The following AFG2A variants were observed in gnomAD, a reference collection of about 807,000 sequenced individuals.
AFG2A encodes the protein AAA ATPase AFG2A.
chr4:122,949,385 C>T, the AFG2A span, among the ~76,000 whole-genome samples: 3 of 152,106 alleles, frequency 2.0e-5, no homozygotes, highest in Admixed American at 6.5e-5. Flanking sequence ...GTGCTGTTGT[C>T]GCTGAAGGGG....
At chr4:122,978,131 C>G in the AFG2A span, among the ~76,000 whole-genome samples, 1 of 151,292 alleles carries the variant, frequency 6.6e-6, no homozygotes, top group Non-Finnish European at 1.5e-5. Flanking sequence ...CAGTTCTCAG[C>G]GGAGAGGAGA....
At chr4:123,066,288 T>C in the AFG2A span, among the ~76,000 whole-genome samples, 3 of 152,200 alleles carry the variant, frequency 2.0e-5, no homozygotes, top group African/African-American at 4.8e-5. Flanking sequence ...TGTTATGTAC[T>C]GTAAAGGAAA....
the AFG2A span, among the ~76,000 whole-genome samples, chr4:123,218,694 G>A: frequency 6.7e-6 from 1 of 149,644 alleles, no homozygotes; most frequent in African/African-American, 2.5e-5. Context: ...CATACATACA[G>A]TGGGCCTACC....
At chr4:123,210,231 A>T in the AFG2A span, among the ~76,000 whole-genome samples, 6 of 152,336 alleles carry the variant, frequency 3.9e-5, no homozygotes, top group Non-Finnish European at 8.8e-5. Context: ...GAGAACATTT[A>T]AAATCTACTG....
At chr4:123,148,457 A>T in the AFG2A span, among the ~76,000 whole-genome samples, 1 of 152,204 alleles carries the variant, frequency 6.6e-6, no homozygotes, top group African/African-American at 2.4e-5. Context: ...ATCAGAAAGC[A>T]AATATAGCAG....
At chr4:123,021,104 G>C in the AFG2A span, among the ~76,000 whole-genome samples, 1 of 151,968 alleles carries the variant, frequency 6.6e-6, no homozygotes, top group African/African-American at 2.4e-5. Context: ...GTAGAGAGTT[G>C]AGCTTTTTAC....
At chr4:122,935,269 T>G in the AFG2A span, among the ~76,000 whole-genome samples, 1 of 152,204 alleles carries the variant, frequency 6.6e-6, no homozygotes, top group Admixed American at 6.5e-5. Flanking sequence ...TGTATATATA[T>G]GTATGTGTAA....
At chr4:123,312,879 G>A in the AFG2A span, among the ~76,000 whole-genome samples, 1 of 152,188 alleles carries the variant, frequency 6.6e-6, no homozygotes. Flanking sequence ...GCAGCCATTA[G>A]CCCAGCATAA....
At chr4:123,122,773 GT>G in the AFG2A span, among the ~76,000 whole-genome samples, 1 of 140,080 alleles carries the variant, frequency 7.1e-6, no homozygotes, top group South Asian at 2.2e-4. Flanking sequence ...CATGTCATCT[GT>G]TTTTTTGTTT....
chr4:123,145,495 G>A, the AFG2A span, among the ~76,000 whole-genome samples: 1 of 152,048 alleles, frequency 6.6e-6, no homozygotes, highest in Admixed American at 6.6e-5. Flanking sequence ...CTGCTAATAT[G>A]TTAAGCACTT....
the AFG2A span, among the ~76,000 whole-genome samples, chr4:123,163,540 T>C: frequency 8.5e-5 from 13 of 152,230 alleles, no homozygotes; most frequent in Non-Finnish European, 1.3e-4. Flanking sequence ...TAGGATAGTC[T>C]GGTATGTAGT....
chr4:123,148,351 G>A, the AFG2A span, among the ~76,000 whole-genome samples: 5 of 152,144 alleles, frequency 3.3e-5, no homozygotes, highest in Admixed American at 1.3e-4. Context: ...AGAGAGAAAT[G>A]CTTTTAAAAT....
the AFG2A span, among the ~76,000 whole-genome samples, chr4:123,055,869 G>T: frequency 1.3e-5 from 2 of 152,200 alleles, no homozygotes; most frequent in East Asian, 1.9e-4. Context: ...TTCTTGTGGT[G>T]ACTGTTTATC....
the AFG2A span, among the ~76,000 whole-genome samples, chr4:123,107,281 T>C: frequency 6.6e-6 from 1 of 152,224 alleles, no homozygotes; most frequent in African/African-American, 2.4e-5. Flanking sequence ...TCCTGAGTTC[T>C]TGTCCCGTGT....
the AFG2A span, among the ~76,000 whole-genome samples, chr4:123,147,513 T>C: frequency 2.3e-4 from 35 of 152,302 alleles, no homozygotes; most frequent in African/African-American, 5.8e-4. Context: ...TAAAAAAGAT[T>C]TTCAGTTGTT....
At chr4:122,942,964 C>G in the AFG2A span, among the ~76,000 whole-genome samples, 1 of 151,838 alleles carries the variant, frequency 6.6e-6, no homozygotes, top group African/African-American at 2.4e-5. Flanking sequence ...TTTCTTAATC[C>G]TGAGTTGTAG....
chr4:123,178,849 A>G, the AFG2A span, among the ~76,000 whole-genome samples: 5 of 152,366 alleles, frequency 3.3e-5, no homozygotes, highest in South Asian at 4.1e-4. Flanking sequence ...CTGCAAGTGT[A>G]CAAATGGTAT....
chr4:123,089,715 G>T, the AFG2A span, among the ~76,000 whole-genome samples: 1 of 152,028 alleles, frequency 6.6e-6, no homozygotes, highest in African/African-American at 2.4e-5. Context: ...CTCCTGAGTA[G>T]CTGGGATTAC....
the AFG2A span, among the ~76,000 whole-genome samples, chr4:123,124,076 G>T: frequency 6.6e-6 from 1 of 151,970 alleles, no homozygotes; most frequent in African/African-American, 2.4e-5. Context: ...GGAAGACAGT[G>T]TGGCAATTCC....
Sources: allele counts gnomAD v4.1 joint callset (sites outside exome capture counted in the v4.1 genomes callset), GRCh38; gene constraint gnomAD v4.1.1; transcripts MANE v1.5; gene names NCBI Gene and HGNC (gene_info 2026-07-23, HGNC 2026-07-21).